Variants in GLIPR2 observed in about 807,000 individuals in gnomAD.
The protein encoded by GLIPR2 is Golgi-associated plant pathogenesis-related protein 1.
Under a neutral mutation model 20.4 loss-of-function variants are expected in GLIPR2, and 21 were observed. The observed-to-expected ratio is 1.03, with a 90% CI of 0.73 to 1.48. The LOEUF is 1.48. Among genes scored for constraint, GLIPR2 ranks in the 40% most tolerant of loss-of-function variants. The probability of loss-of-function intolerance (pLI) is 0.00; values close to 1 mark genes in which losing one functional copy is unlikely to be tolerated. For synonymous variants in GLIPR2, 91 were observed against 80.5 expected (o/e 1.13, Z -0.70); for missense variants, 205 against 200.1 (o/e 1.02, Z -0.15).
At chr9:36,148,472 A>T (rs545572431) in intron 2 of GLIPR2, 75 bp from the exon 3 acceptor site, 1 of 1,066,872 alleles carries the variant, frequency 9.4e-7, no homozygotes, top group Non-Finnish European at 1.4e-6. Flanking sequence ...AAGCTCAGCC[A>T]CACTAGCTTG....
Position 36,150,900 on chromosome 9 carries a change from T to C in GLIPR2, c.255T>C (p.Ser85=), listed in dbSNP as rs1197698342. 3.7e-6 allele frequency: 6 copies of C among 1,613,864 alleles called. No homozygotes were observed. In the East Asian group the frequency reaches 1.1e-4, roughly 30 times the overall value. The change falls in exon 4 of 5, where the codon AGT becomes AGC. Residue 85 remains serine (S), a synonymous_variant. Transcript: ENST00000377960. ...TGKEVADRWY[S]EIKNYNFQQP... ...AGGAGGTGGCTGATAGATGGTACAG[T>C]GAAATCAAGAACTATAACTTCCAGC... is the stretch of plus-strand genomic sequence containing the variant.
chr9:36,156,552 G>A (rs1202528291), intron 4 of GLIPR2, among the ~76,000 whole-genome samples: 1 of 152,132 alleles, frequency 6.6e-6, no homozygotes, highest in Non-Finnish European at 1.5e-5. Flanking sequence ...CATCTTCACA[G>A]ATTAAAACTC....
intron 2 of GLIPR2, 65 bp from the exon 3 acceptor site, chr9:36,148,482 G>T: frequency 8.5e-7 from 1 of 1,179,382 alleles, no homozygotes. Flanking sequence ...ACACTAGCTT[G>T]GGGCACATAC....
At chr9:36,143,556 C>T (rs373365573) in intron 1 of GLIPR2, among the ~76,000 whole-genome samples, 7 of 152,222 alleles carry the variant, frequency 4.6e-5, no homozygotes, top group East Asian at 1.9e-4. Flanking sequence ...GTCACCTATA[C>T]GGGCCCTTTC....
intron 1 of GLIPR2, chr9:36,141,903 C>G (rs779267472): frequency 6.6e-6 from 3 of 455,742 alleles, no homozygotes; most frequent in South Asian, 4.6e-5. Flanking sequence ...CTTCGAGAAC[C>G]CAGTGCAGCC....
chr9:36,148,744 G>A (rs1374267612), intron 3 of GLIPR2, 94 bp downstream of exon 3: 2 of 789,224 alleles, frequency 2.5e-6, no homozygotes, highest in African/African-American at 1.7e-5. Flanking sequence ...CCCTCGTGGT[G>A]TAGCCACAGG....
At chr9:36,162,301 A>G (rs1826089252) in intron 4 of GLIPR2, 61 bp from the exon 5 acceptor site, 6 of 1,600,078 alleles carry the variant, frequency 3.7e-6, no homozygotes, top group Middle Eastern at 3.3e-4. Flanking sequence ...CCCCTGCCAC[A>G]TCCTTCTTCA....
rs1046499773 is a variant in GLIPR2, at chr9:36,162,502, G to A, written c.445G>A (p.Val149Ile). The stretch of plus-strand genomic sequence containing the variant: ...CAATGAGGGCTTCTTCGAAGAAAAC[G>A]TCCTGCCGCCGAAGAAGTAACTTGT... ...VVNEGFFEEN[V>I]LPPKK is the part of the protein sequence containing the mutation. Residue 149 changes from valine (V) to isoleucine (I), a missense_variant, in exon 5 of 5, where the codon GTC (valine) becomes ATC (isoleucine). Physicochemically the swap from Val to Ile is conservative, Grantham distance 29. Transcript: ENST00000377960. 1.6e-5 allele frequency: 26 copies of A among 1,614,064 alleles called. No individual in the cohort carries two copies. The highest frequency in any genetic ancestry group is 5.3e-5 in the African/African-American group (4 of 74,936).
intron 2 of GLIPR2, among the ~76,000 whole-genome samples, chr9:36,148,263 T>C (rs1332781742): frequency 1.4e-5 from 2 of 147,154 alleles, no homozygotes; most frequent in Non-Finnish European, 3.0e-5. Flanking sequence ...AAAAAAAACG[T>C]TGGGGGGCCC....
chr9:36,156,102 T>G (rs1350375338), intron 4 of GLIPR2, among the ~76,000 whole-genome samples: 2 of 151,972 alleles, frequency 1.3e-5, no homozygotes, highest in South Asian at 2.1e-4. Context: ...CCCAGCTACT[T>G]GGGAGGCTGA....
chr9:36,155,452 G>T (rs1825787479), intron 4 of GLIPR2, among the ~76,000 whole-genome samples: 2 of 152,104 alleles, frequency 1.3e-5, no homozygotes, highest in Non-Finnish European at 2.9e-5. Context: ...AAATTAGCCG[G>T]ATGTGGTGGC....
In GLIPR2 at chr9:36,163,698, A is replaced by C. The variant is rs568105676; in HGVS notation, c.*1176A>C. ...AGGGACCAACCCAGATGCCCTGCTGAGTGTCCCTGAAACCATGGCAGCTCC... is the reference window on the plus strand; with the variant it reads ...AGGGACCAACCCAGATGCCCTGCTGCGTGTCCCTGAAACCATGGCAGCTCC... On this transcript the variant is annotated 3_prime_UTR_variant, in exon 5 of 5. Transcript: ENST00000377960. 6.6e-6 allele frequency: 1 copy of C among 152,652 alleles called. No individual in the cohort carries two copies. Among genetic ancestry groups the C allele is most frequent in the Admixed American group, 6.5e-5 (1 of 15,284 alleles). The allele number at this position is 152,652 out of a possible 1,614,324, so 9.5% of individuals were successfully genotyped here. A position where few individuals can be genotyped will look rare whatever the true frequency, so the allele number is the denominator to read the frequency against.
chr9:36,153,931 G>A (rs1825710231), intron 4 of GLIPR2, among the ~76,000 whole-genome samples: 1 of 151,588 alleles, frequency 6.6e-6, no homozygotes, highest in East Asian at 1.9e-4. Context: ...AACAAAATAG[G>A]AAGAAATACC....
chr9:36,148,332 C>G (rs1825431929), intron 2 of GLIPR2, among the ~76,000 whole-genome samples: 1 of 152,138 alleles, frequency 6.6e-6, no homozygotes, highest in Admixed American at 6.5e-5. Flanking sequence ...AATAACCACT[C>G]TCTCACTCAC....
intron 2 of GLIPR2, among the ~76,000 whole-genome samples, chr9:36,148,302 A>G (rs1286930967): frequency 1.3e-5 from 2 of 151,074 alleles, no homozygotes; most frequent in Non-Finnish European, 2.9e-5. Flanking sequence ...GGGTTTTGGG[A>G]TCAGATATAA....
At chr9:36,149,883 C>A (rs987689258) in intron 3 of GLIPR2, among the ~76,000 whole-genome samples, 6 of 152,140 alleles carry the variant, frequency 3.9e-5, no homozygotes, top group Non-Finnish European at 2.9e-5. Context: ...GAAAAATTAG[C>A]CAGGCGTGGT....
intron 4 of GLIPR2, among the ~76,000 whole-genome samples, chr9:36,161,496 C>T (rs1026419982): frequency 1.1e-5 from 1 of 94,140 alleles, no homozygotes; most frequent in Non-Finnish European, 2.3e-5. Context: ...CTAAAGAGAG[C>T]TTAGAGGAAA....
chr9:36,141,204 T>C (rs1825062202), intron 1 of GLIPR2, among the ~76,000 whole-genome samples: 1 of 152,166 alleles, frequency 6.6e-6, no homozygotes, highest in Non-Finnish European at 1.5e-5. Context: ...TGTTCTCATT[T>C]TATGTATGGG....
At chr9:36,152,730 A>G (rs1825644439) in intron 4 of GLIPR2, among the ~76,000 whole-genome samples, 1 of 144,372 alleles carries the variant, frequency 6.9e-6, no homozygotes, top group African/African-American at 2.6e-5. Flanking sequence ...AGCCTGGGCA[A>G]TAAGAGCAAA....
Sources: allele counts gnomAD v4.1 joint callset (sites outside exome capture counted in the v4.1 genomes callset), GRCh38; gene constraint gnomAD v4.1.1; transcripts MANE v1.5; gene names NCBI Gene and HGNC (gene_info 2026-07-23, HGNC 2026-07-21).